MRPS28: variants seen among roughly 807,000 people sequenced by gnomAD.
MRPS28 encodes the protein small ribosomal subunit protein bS1m.
In MRPS28, 7 loss-of-function variants were observed where a neutral mutation model predicts 10.8. That is an observed-to-expected ratio of 0.65 (90% CI 0.37 to 1.22). The LOEUF (loss-of-function observed/expected upper bound fraction) is 1.22, where lower values mean the gene tolerates loss of function less well. MRPS28 is among the 50% of genes most tolerant of loss of function. The pLI is 0.02. For synonymous variants in MRPS28, 121 were observed against 93.3 expected, an observed-to-expected ratio of 1.30 and a Z score of -1.71; for missense variants, 265 against 232.9, an observed-to-expected ratio of 1.14 and a Z score of -0.90.
chr8:79,966,462 T>A (rs1158725681), intron 2 of MRPS28, among the ~76,000 whole-genome samples: 1 of 152,082 alleles, frequency 6.6e-6, no homozygotes, highest in Non-Finnish European at 1.5e-5. Context: ...GTCAAAAAAG[T>A]AAGTTTTAAC....
chr8:79,958,450 A>C lies in MRPS28; in HGVS notation c.396-39302T>G, dbSNP rs1025760243. ...AAATGGGACTCCTGAGTGAAGGAGA[A>C]AATGTTGAGATTCAGAAGAACTCAA... On this transcript the variant is annotated intron_variant, in intron 2 of 2. Transcript: ENST00000276585. 1.4e-5 allele frequency: 9 copies of C among 652,296 alleles called. No individual in the cohort carries two copies. The African/African-American group carries it at 1.7e-4, about 12-fold the overall frequency. 40.4% of individuals were successfully genotyped at this position (652,296 alleles called of 1,614,324 possible).
chr8:80,011,127 A>ATTTT (rs202004834), intron 1 of MRPS28, among the ~76,000 whole-genome samples: 3 of 145,046 alleles, frequency 2.1e-5, no homozygotes, highest in African/African-American at 8.0e-5. Flanking sequence ...TTTTTTTTTT[A>ATTTT]TTTTTTTATT....
At chr8:79,955,623 C>A (rs1381538935) in intron 2 of MRPS28, among the ~76,000 whole-genome samples, 1 of 152,200 alleles carries the variant, frequency 6.6e-6, no homozygotes, top group African/African-American at 2.4e-5. Context: ...GCCAGTGTCA[C>A]ATGTTTTAGG....
chr8:79,984,087 T>C (rs200833688), intron 2 of MRPS28, among the ~76,000 whole-genome samples: 1 of 151,868 alleles, frequency 6.6e-6, no homozygotes, highest in South Asian at 2.1e-4. Flanking sequence ...TGGCAGAAAC[T>C]ATACAAGCCA....
intron 2 of MRPS28, among the ~76,000 whole-genome samples, chr8:79,995,225 A>C (rs1808470141): frequency 6.6e-6 from 1 of 152,180 alleles, no homozygotes; most frequent in Non-Finnish European, 1.5e-5. Flanking sequence ...AAGTTTGGTG[A>C]CTCAATGAAA....
intron 2 of MRPS28, among the ~76,000 whole-genome samples, chr8:80,002,662 CAG>C (rs567772087): frequency 4.2e-4 from 64 of 152,190 alleles, no homozygotes; most frequent in African/African-American, 1.4e-3. Flanking sequence ...GACTATGGAA[CAG>C]AGAGAAGGGA....
intron 2 of MRPS28, among the ~76,000 whole-genome samples, chr8:79,927,184 A>G (rs1448900428): frequency 3.3e-5 from 5 of 152,248 alleles, no homozygotes; most frequent in African/African-American, 1.2e-4. Context: ...ATTTTCACCT[A>G]AACAAAAGGC....
intron 1 of MRPS28, among the ~76,000 whole-genome samples, chr8:80,019,321 C>G (rs1809292793): frequency 7.0e-6 from 1 of 143,398 alleles, no homozygotes; most frequent in Admixed American, 7.0e-5. Context: ...AGCATATACA[C>G]CTACTATGTA....
intron 2 of MRPS28, among the ~76,000 whole-genome samples, chr8:79,992,531 C>A (rs2130125836): frequency 6.6e-6 from 1 of 152,308 alleles, no homozygotes; most frequent in East Asian, 1.9e-4. Flanking sequence ...TTCATTTAGT[C>A]ATTTATTCAT....
At chr8:79,975,262 A>C (rs1191569401) in intron 2 of MRPS28, among the ~76,000 whole-genome samples, 1 of 152,096 alleles carries the variant, frequency 6.6e-6, no homozygotes, top group Non-Finnish European at 1.5e-5. Context: ...ATGCTACTGC[A>C]CTCCAGCCTG....
chr8:80,004,229 C>T (rs960376527), intron 1 of MRPS28, among the ~76,000 whole-genome samples: 1 of 152,194 alleles, frequency 6.6e-6, no homozygotes, highest in Admixed American at 6.5e-5. Context: ...AACTGGGAGG[C>T]ACCCCCAAGT....
At chr8:79,941,780 A>T (rs533864404) in intron 2 of MRPS28, among the ~76,000 whole-genome samples, 1 of 152,368 alleles carries the variant, frequency 6.6e-6, no homozygotes, top group Non-Finnish European at 1.5e-5. Context: ...AACTGTTTCA[A>T]TAATTTATTT....
chr8:79,988,290 G>A (rs1266540520), intron 2 of MRPS28, among the ~76,000 whole-genome samples: 1 of 104,736 alleles, frequency 9.5e-6, no homozygotes, highest in East Asian at 3.5e-4. Context: ...GGGGAGGGGG[G>A]AGGGATAGCT....
chr8:79,932,651 C>G (rs926568334), intron 2 of MRPS28, among the ~76,000 whole-genome samples: 2 of 152,142 alleles, frequency 1.3e-5, no homozygotes, highest in African/African-American at 4.8e-5. Context: ...TCTGGCTGCT[C>G]TGTGTAAGAA....
intron 2 of MRPS28, among the ~76,000 whole-genome samples, chr8:79,987,740 C>T (rs1303593997): frequency 2.6e-5 from 4 of 152,174 alleles, no homozygotes; most frequent in East Asian, 3.8e-4. Flanking sequence ...CCATCTCACA[C>T]GAGTTAGAAT....
intron 2 of MRPS28, among the ~76,000 whole-genome samples, chr8:79,985,422 A>G (rs1227947682): frequency 6.6e-6 from 1 of 152,098 alleles, no homozygotes; most frequent in Non-Finnish European, 1.5e-5. Context: ...AAATAACTAA[A>G]ATCAGAGCAG....
intron 2 of MRPS28, among the ~76,000 whole-genome samples, chr8:79,979,129 T>C (rs1444811995): frequency 6.6e-6 from 1 of 152,240 alleles, no homozygotes; most frequent in Non-Finnish European, 1.5e-5. Flanking sequence ...AAACTGTACC[T>C]ATCTGTAGAT....
rs1352504734 is a variant in MRPS28, at chr8:79,957,054, T to G, written c.396-37906A>C. 2.6e-5 allele frequency: 4 copies of G among 152,162 alleles called. No individual in the cohort carries two copies. The East Asian group carries it at 7.7e-4, about 29-fold the overall frequency. 9.4% of individuals were successfully genotyped at this position (152,162 alleles called of 1,614,324 possible). A position where few individuals can be genotyped will look rare whatever the true frequency, so the allele number is the denominator to read the frequency against. On this transcript the variant is annotated intron_variant, in intron 2 of 2. Coordinates refer to ENST00000276585, the MANE Select transcript of MRPS28 (RefSeq NM_014018.3). ...CAGGAGTCACCTAAGTCACTTGAAGTTCTTGAACAGTCTATGCTTGTTTTG... is the reference window on the plus strand; with the variant it reads ...CAGGAGTCACCTAAGTCACTTGAAGGTCTTGAACAGTCTATGCTTGTTTTG...
chr8:79,948,633 A>C (rs1012433659), intron 2 of MRPS28, among the ~76,000 whole-genome samples: 1 of 152,220 alleles, frequency 6.6e-6, no homozygotes, highest in Non-Finnish European at 1.5e-5. Flanking sequence ...AATCAGCTTA[A>C]GGAAGTTCTC....
Sources: allele counts gnomAD v4.1 joint callset (sites outside exome capture counted in the v4.1 genomes callset), GRCh38; gene constraint gnomAD v4.1.1; transcripts MANE v1.5; gene names NCBI Gene and HGNC (gene_info 2026-07-23, HGNC 2026-07-21).